Variants in LINC00305 observed in about 807,000 individuals in gnomAD.
The protein encoded by LINC00305 is long intergenic non-protein coding RNA 305.
At chr18:64,138,653 C>G (rs553069984) in intron 1 of LINC00305, among the ~76,000 whole-genome samples, 1 of 151,984 alleles carries the variant, frequency 6.6e-6, no homozygotes, top group African/African-American at 2.4e-5. Flanking sequence ...TTTCCTTCAC[C>G]GTTTTTCTCA....
intron 1 of LINC00305, among the ~76,000 whole-genome samples, chr18:64,145,001 C>T (rs1056518776): frequency 6.6e-6 from 1 of 152,138 alleles, no homozygotes. Context: ...ACGCCCTCAT[C>T]TTGCCACGGC....
At chr18:64,112,065 C>T (rs1342124717) in intron 1 of LINC00305, among the ~76,000 whole-genome samples, 1 of 152,076 alleles carries the variant, frequency 6.6e-6, no homozygotes, top group Non-Finnish European at 1.5e-5. Context: ...AATCTTCAAG[C>T]TTATTTCTCG....
intron 1 of LINC00305, among the ~76,000 whole-genome samples, chr18:64,106,434 G>A (rs2144245183): frequency 6.6e-6 from 1 of 151,930 alleles, no homozygotes; most frequent in South Asian, 2.1e-4. Flanking sequence ...GATCTATTTT[G>A]TCACCACCTA....
intron 1 of LINC00305, among the ~76,000 whole-genome samples, chr18:64,131,978 G>A (rs1384263306): frequency 6.6e-6 from 1 of 152,136 alleles, no homozygotes; most frequent in African/African-American, 2.4e-5. Flanking sequence ...CTGCTTCTTT[G>A]TCCCCTGGAT....
chr18:64,096,499 C>G (rs373801216), intron 3 of LINC00305, among the ~76,000 whole-genome samples: 3 of 151,670 alleles, frequency 2.0e-5, no homozygotes, highest in Non-Finnish European at 4.4e-5. Flanking sequence ...GGTACATATA[C>G]AGAAGTTTAT....
chr18:64,114,924 A>G (rs1029294898), intron 1 of LINC00305, among the ~76,000 whole-genome samples: 5 of 152,200 alleles, frequency 3.3e-5, no homozygotes, highest in Admixed American at 2.0e-4. Context: ...GAAAATATAC[A>G]TAAAGAGGTA....
At chr18:64,106,481 C>T (rs1384682940) in intron 1 of LINC00305, among the ~76,000 whole-genome samples, 1 of 152,168 alleles carries the variant, frequency 6.6e-6, no homozygotes, top group East Asian at 1.9e-4. Flanking sequence ...TTCGAAGATG[C>T]CCTCTCCCTC....
Position 64,143,556 on chromosome 18 carries a change from GTGTACATATA to G in LINC00305, n.314+5209_314+5218del, listed in dbSNP as rs1237479304. 2.5e-3 allele frequency among the ~76,000 whole-genome samples: 21 copies of G among 8,302 alleles called. 1 individual carries two copies. The highest frequency in any genetic ancestry group is 0.021 in the East Asian group (2 of 96). The allele number at this position is 8,302 out of a possible 152,430, so 5.4% of individuals were successfully genotyped here. ...GTACATATATATGTACACATATTAT[GTGTACATATA>G]TACACATATGTATATGTACATATGT... On this transcript the variant is annotated intron_variant and non_coding_transcript_variant, in intron 1 of 3. Transcript: ENST00000666468.
intron 3 of LINC00305, among the ~76,000 whole-genome samples, chr18:64,096,407 T>G (rs1327647375): frequency 1.3e-5 from 2 of 151,820 alleles, no homozygotes; most frequent in Admixed American, 1.3e-4. Context: ...TAATAAAAAG[T>G]GACTTAACTA....
At chr18:64,128,656 A>G (rs1181922340) in intron 1 of LINC00305, among the ~76,000 whole-genome samples, 1 of 152,062 alleles carries the variant, frequency 6.6e-6, no homozygotes, top group Non-Finnish European at 1.5e-5. Flanking sequence ...CCCACTCTAG[A>G]CTTACATACA....
At chr18:64,121,561 TATATGCCAC>T (rs1406847916) in intron 1 of LINC00305, among the ~76,000 whole-genome samples, 1 of 152,142 alleles carries the variant, frequency 6.6e-6, no homozygotes, top group Non-Finnish European at 1.5e-5. Flanking sequence ...CCATTGGGTA[TATATGCCAC>T]ATTTTCTTTA....
intron 1 of LINC00305, chr18:64,139,457 C>T (rs1014195911): frequency 6.6e-6 from 1 of 152,188 alleles, no homozygotes; most frequent in Non-Finnish European, 1.5e-5. Context: ...TGGCAGTTTA[C>T]TCTTTTTACA....
chr18:64,144,840 G>A (rs2051489331), intron 1 of LINC00305, among the ~76,000 whole-genome samples: 1 of 152,204 alleles, frequency 6.6e-6, no homozygotes, highest in Non-Finnish European at 1.5e-5. Context: ...CCTATGAATG[G>A]ACGTGTAGTC....
chr18:64,100,128 T>A (rs764799740), intron 1 of LINC00305, among the ~76,000 whole-genome samples: 6 of 152,164 alleles, frequency 3.9e-5, no homozygotes, highest in Non-Finnish European at 8.8e-5. Flanking sequence ...GAAGTTTAAG[T>A]TTTCCATTAA....
At chr18:64,143,870 A>G (rs1303412278) in intron 1 of LINC00305, among the ~76,000 whole-genome samples, 1 of 151,652 alleles carries the variant, frequency 6.6e-6, no homozygotes, top group Non-Finnish European at 1.5e-5. Flanking sequence ...ATACATACAT[A>G]TATGTATACA....
intron 1 of LINC00305, among the ~76,000 whole-genome samples, chr18:64,124,246 AT>A (rs2144261885): frequency 6.6e-6 from 1 of 152,222 alleles, no homozygotes; most frequent in East Asian, 1.9e-4. Context: ...TCATCCACGG[AT>A]CAGAACCTAG....
At chr18:64,125,517 A>G (rs1309190987) in intron 1 of LINC00305, among the ~76,000 whole-genome samples, 1 of 152,156 alleles carries the variant, frequency 6.6e-6, no homozygotes, top group Non-Finnish European at 1.5e-5. Flanking sequence ...TGAACTAATT[A>G]TCATTGCAAT....
At chr18:64,108,670 C>G (rs905845347) in intron 1 of LINC00305, among the ~76,000 whole-genome samples, 1 of 152,096 alleles carries the variant, frequency 6.6e-6, no homozygotes, top group Non-Finnish European at 1.5e-5. Flanking sequence ...ATATACAGCC[C>G]CTAGGGTGGA....
chr18:64,126,104 C>T (rs537125541), intron 1 of LINC00305, among the ~76,000 whole-genome samples: 6 of 152,156 alleles, frequency 3.9e-5, no homozygotes, highest in Non-Finnish European at 7.4e-5. Context: ...TTTACCCAGT[C>T]TGTGATATTT....
Sources: gnomAD v4.1 joint callset for allele counts (sites outside exome capture counted in the v4.1 genomes callset) on GRCh38, gnomAD v4.1.1 for gene constraint, MANE v1.5 for transcripts, NCBI Gene and HGNC (gene_info 2026-07-23, HGNC 2026-07-21) for gene names.